Variants in NAV3 observed in about 807,000 individuals in gnomAD.
NAV3 encodes neuron navigator 3.
Under a neutral mutation model 244.7 loss-of-function variants are expected in NAV3, and 87 were observed. The observed-to-expected ratio is 0.36, with a 90% CI of 0.30 to 0.42. The LOEUF is 0.42. NAV3 is among the 20% of genes least tolerant of loss of function. The pLI is 1.00. For missense variants in NAV3, 2,663 were observed against 2,893.3 expected (o/e 0.92, Z 1.83); for synonymous variants, 1,126 against 1,042.2 (o/e 1.08, Z -1.55).
At chr12:78,180,719 A>T in intron 29 of NAV3, 152 bp from the exon 30 acceptor site, 1 of 657,336 alleles carries the variant, frequency 1.5e-6, no homozygotes, top group Non-Finnish European at 2.5e-6. Flanking sequence ...CTTCTTGGGA[A>T]GGAAATCCTA....
chr12:77,620,935 C>T (rs1202580944), intron 2 of NAV3, among the ~76,000 whole-genome samples: 3 of 152,128 alleles, frequency 2.0e-5, no homozygotes, highest in Non-Finnish European at 2.9e-5. Flanking sequence ...TCAGAAACAT[C>T]GGTGACATTG....
chr12:77,757,466 A>G (rs1048149777), intron 2 of NAV3, among the ~76,000 whole-genome samples: 1 of 152,194 alleles, frequency 6.6e-6, no homozygotes, highest in Non-Finnish European at 1.5e-5. Context: ...TCATTCCTTA[A>G]ACATATATTG....
chr12:78,079,836 C>T (rs1953257395), intron 12 of NAV3, among the ~76,000 whole-genome samples: 1 of 152,152 alleles, frequency 6.6e-6, no homozygotes, highest in Non-Finnish European at 1.5e-5. Flanking sequence ...ATAATGGTTA[C>T]TCTCTTGCCT....
intron 5 of NAV3, 32 bp downstream of exon 5, chr12:77,968,734 A>G (rs770555288): frequency 5.3e-5 from 85 of 1,596,984 alleles, no homozygotes; most frequent in Non-Finnish European, 7.0e-5. Flanking sequence ...TGTGTTTCCA[A>G]TTAGTTTGTG....
At chr12:77,957,337 A>G (rs561304896) in intron 3 of NAV3, among the ~76,000 whole-genome samples, 9 of 152,324 alleles carry the variant, frequency 5.9e-5, no homozygotes, top group Admixed American at 2.0e-4. Flanking sequence ...TTAATCACTT[A>G]GTGTTAAGTG....
chr12:77,935,990 A>T (rs1159562306), intron 1 of NAV3, among the ~76,000 whole-genome samples: 1 of 152,238 alleles, frequency 6.6e-6, no homozygotes, highest in African/African-American at 2.4e-5. Context: ...ATTACAATTC[A>T]ACATGAGATT....
At chr12:78,036,620 T>C (rs896398468) in intron 9 of NAV3, 17 of 362,684 alleles carry the variant, frequency 4.7e-5, no homozygotes, top group African/African-American at 3.0e-4. Context: ...TGGTGAACTC[T>C]TTTCTGCTTC....
At chr12:77,759,542 C>T (rs893142933) in intron 2 of NAV3, among the ~76,000 whole-genome samples, 1 of 152,124 alleles carries the variant, frequency 6.6e-6, no homozygotes, top group Non-Finnish European at 1.5e-5. Context: ...TATTGTCCTC[C>T]GATGCCTAGA....
chr12:78,209,616 C>T (rs1960694169), intron 39 of NAV3, among the ~76,000 whole-genome samples: 1 of 151,656 alleles, frequency 6.6e-6, no homozygotes, highest in African/African-American at 2.4e-5. Context: ...AATGTGACTG[C>T]TCTTTATTTT....
chr12:77,728,516 T>C (rs1256593535), intron 2 of NAV3, among the ~76,000 whole-genome samples: 1 of 151,944 alleles, frequency 6.6e-6, no homozygotes, highest in Non-Finnish European at 1.5e-5. Context: ...TTCTTCATTT[T>C]CTACACTGAG....
At chr12:77,616,020 T>G (rs1207000928) in intron 2 of NAV3, among the ~76,000 whole-genome samples, 1 of 152,196 alleles carries the variant, frequency 6.6e-6, no homozygotes, top group Non-Finnish European at 1.5e-5. Flanking sequence ...TCATATTAGT[T>G]CTTCCATTTT....
intron 12 of NAV3, among the ~76,000 whole-genome samples, chr12:78,097,188 G>A (rs1341575743): frequency 6.6e-6 from 1 of 152,146 alleles, no homozygotes; most frequent in Non-Finnish European, 1.5e-5. Flanking sequence ...AGAAAATTAA[G>A]ACATCTGGTC....
intron 5 of NAV3, among the ~76,000 whole-genome samples, chr12:77,981,557 T>C (rs1201985455): frequency 2.6e-5 from 4 of 152,104 alleles, no homozygotes; most frequent in Non-Finnish European, 5.9e-5. Flanking sequence ...TTGTCTAAAA[T>C]TCCTTAGCAT....
At position 77,631,301 on chromosome 12, in the gene NAV3, G is replaced by A. The variant is rs1402968262; in HGVS notation, c.72+59035G>A. On this transcript the variant is annotated intron_variant, in intron 2 of 8. Transcript: ENST00000550042. ...GTACAAGCTGCCTTAACTCTTTCAGGACACCAGGGTACCATTTGGCAAGTA... is the reference window on the plus strand; with the variant it reads ...GTACAAGCTGCCTTAACTCTTTCAGAACACCAGGGTACCATTTGGCAAGTA... Among the ~76,000 whole-genome samples the A allele has an allele frequency of 2.0e-5, 3 of 151,930 alleles. No individual in the cohort carries two copies. The South Asian group carries it at 6.3e-4, about 32-fold the overall frequency.
intron 2 of NAV3, among the ~76,000 whole-genome samples, chr12:77,618,427 G>C (rs367853351): frequency 6.6e-6 from 1 of 152,074 alleles, no homozygotes; most frequent in Admixed American, 6.5e-5. Flanking sequence ...ATAATGTTTT[G>C]TCTACTAGAA....
intron 3 of NAV3, among the ~76,000 whole-genome samples, chr12:77,942,606 T>C (rs543041787): frequency 2.0e-5 from 3 of 152,108 alleles, no homozygotes; most frequent in Non-Finnish European, 4.4e-5. Flanking sequence ...GAGGTTTTAC[T>C]GTGAACAAGC....
intron 2 of NAV3, among the ~76,000 whole-genome samples, chr12:77,702,073 T>C (rs1426321869): frequency 6.6e-6 from 1 of 152,020 alleles, no homozygotes; most frequent in African/African-American, 2.4e-5. Flanking sequence ...TCTCCAATGA[T>C]AATTGTGAAG....
At chr12:77,690,638 T>C (rs1169097744) in intron 2 of NAV3, among the ~76,000 whole-genome samples, 1 of 150,758 alleles carries the variant, frequency 6.6e-6, no homozygotes, top group Admixed American at 6.6e-5. Flanking sequence ...AACTCTGTCA[T>C]ATAATAAGAT....
chr12:78,143,287 C>T (rs974074916), intron 20 of NAV3: 3 of 444,946 alleles, frequency 6.7e-6, no homozygotes, highest in Non-Finnish European at 1.4e-5. Context: ...CAAGCCTAAC[C>T]TGATCTGCAG....
Sources: allele counts gnomAD v4.1 joint callset (sites outside exome capture counted in the v4.1 genomes callset), GRCh38; gene constraint gnomAD v4.1.1; transcripts MANE v1.5; gene names NCBI Gene and HGNC (gene_info 2026-07-23, HGNC 2026-07-21).